CARD16: variants seen among roughly 807,000 people sequenced by gnomAD.
The protein encoded by CARD16 is caspase recruitment domain family member 16, also known as caspase recruitment domain-containing protein 16.
CARD16 carries 8 observed loss-of-function variants against 11.9 expected under a neutral mutation model. The ratio of observed to expected loss-of-function variants is 0.67; its 90% CI spans 0.39 to 1.21. The LOEUF is 1.21. Among genes scored for constraint, CARD16 ranks in the 50% most tolerant of loss-of-function variants. The pLI is 0.01. For synonymous variants in CARD16, 44 were observed against 43.8 expected, an observed-to-expected ratio of 1.00 and a Z score of -0.02; for missense variants, 131 against 118.1, an observed-to-expected ratio of 1.11 and a Z score of -0.51.
rs551908871 is a variant in CARD16 at position 105,044,695 on chromosome 11, C to A, written c.8-37G>T. 1.1e-5 allele frequency: 17 copies of A among 1,610,030 alleles called. No individual in the cohort carries two copies. In the South Asian group the frequency reaches 1.8e-4, roughly 17 times the overall value. ...ACAAGGATTTCTCACATCATGAAAA[C>A]AGCCTCATATTCCTCTCACGTCATC... On this transcript the variant is annotated intron_variant, in intron 1 of 3. Transcript: ENST00000673097.
At chr11:105,043,423 T>C (rs2134886628) in intron 3 of CARD16, 60 bp downstream of exon 3, 2 of 1,192,622 alleles carry the variant, frequency 1.7e-6, no homozygotes, top group East Asian at 2.3e-5. Flanking sequence ...CTCATTCCAC[T>C]AAATTAATGT....
Position 105,044,491 on chromosome 11 carries a change from C to T in CARD16, c.175G>A (p.Asp59Asn), listed in dbSNP as rs749887294. ...TGTGCCCCTTTCGGAATAACGGAGT[C>T]AATCAAAGCTCGGGTCTTATCCATA... ...TVMDKTRALI[D>N]SVIPKGAQAC... Residue 59 changes from aspartate to asparagine, a missense_variant, in exon 2 of 4, where the codon GAC becomes AAC. By Grantham distance (23) the Asp-to-Asn change is conservative. Coordinates refer to ENST00000673097, the MANE Select transcript of CARD16 (RefSeq NM_052889.4). The T allele has an allele frequency of 1.5e-5, 25 of 1,613,990 alleles. No individual in the cohort carries two copies. In the Admixed American group the frequency reaches 4.2e-4, roughly 27 times the overall value.
At chr11:105,043,344 C>A in intron 3 of CARD16, 139 bp downstream of exon 3, 3 of 472,026 alleles carry the variant, frequency 6.4e-6, no homozygotes, top group African/African-American at 2.1e-5. Flanking sequence ...TCTGCAAAAA[C>A]AGAATAGATT....
Position 105,044,576 on chromosome 11 carries a change from T to C in CARD16, c.90A>G (p.Leu30=), listed in dbSNP as rs61739396. The change falls in exon 2 of 4, where the codon TTA becomes TTG. Residue 30 remains leucine (L), a synonymous_variant. Transcript: ENST00000673097. ...CTTCCTGGTTCAGCACCCTTGTCTG[T>C]AATAATTCATCCAGTAAGCCATTTA... The part of the protein sequence containing the change: ...GTINGLLDEL[L]QTRVLNQEEM... The C allele has an allele frequency of 1.2e-6, 2 of 1,614,162 alleles. No homozygotes were observed. The highest frequency in any genetic ancestry group is 8.5e-7 in the Non-Finnish European group (1 of 1,179,992).
chr11:105,043,648 G>T, intron 2 of CARD16, 103 bp from the exon 3 acceptor site: 1 of 771,616 alleles, frequency 1.3e-6, no homozygotes. Context: ...CCACAACCCT[G>T]ACTAAATGAC....
At chr11:105,044,744 TTTC>T in intron 1 of CARD16, 86 bp from the exon 2 acceptor site, 1 of 1,559,208 alleles carries the variant, frequency 6.4e-7, no homozygotes, top group Non-Finnish European at 8.7e-7. Context: ...CTCATTTAGA[TTTC>T]ATCAGTGAAA....
rs777111190 is a variant in CARD16 at position 105,044,630 on chromosome 11, C to T, written c.36G>A (p.Leu12=). ...ADKVLKEKRK[L]FIHSMGEGTI... is the part of the protein sequence containing the mutation. The stretch of plus-strand genomic sequence containing the variant: ...TACCTTCACCCATGGAATGGATAAA[C>T]AGCTTTCTCTTCTCCTTCAGGACCT... The change falls in exon 2 of 4, where the codon CTG becomes CTA. Residue 12 remains leucine, a synonymous_variant. Coordinates refer to ENST00000673097, the MANE Select transcript of CARD16 (RefSeq NM_052889.4). 6 of 1,613,974 alleles carry T rather than the reference C, an allele frequency of 3.7e-6. No homozygotes were observed. In the East Asian group the frequency reaches 1.3e-4, roughly 36 times the overall value.
chr11:105,043,600 A>G lies in CARD16; in HGVS notation c.275-55T>C, dbSNP rs1244097348. The G allele has an allele frequency of 2.2e-5, 27 of 1,228,112 alleles. No individual in the cohort carries two copies. In the East Asian group the frequency reaches 5.8e-4, roughly 26 times the overall value. 76.1% of individuals were successfully genotyped at this position (1,228,112 alleles called of 1,614,324 possible). On this transcript the variant is annotated intron_variant, in intron 2 of 3. Coordinates refer to ENST00000673097, the MANE Select transcript of CARD16 (RefSeq NM_052889.4). ...CCACTTATCATCTCTGGAAAACTTT[A>G]CAGCAATGCATAAGCCACTCCTCAC... is the stretch of plus-strand genomic sequence containing the variant.
At chr11:105,044,141 C>G in intron 2 of CARD16, 2 of 594,460 alleles carry the variant, frequency 3.4e-6, no homozygotes, top group Non-Finnish European at 5.9e-6. Context: ...CTAGATAGTT[C>G]TCATGACCTT....
chr11:105,043,140 A>G (rs1196191727), intron 3 of CARD16, among the ~76,000 whole-genome samples: 1 of 152,160 alleles, frequency 6.6e-6, no homozygotes, highest in South Asian at 2.1e-4. Context: ...CAAAACTGTA[A>G]GAGAAGCAGG....
rs558248194 is a variant in CARD16, at chr11:105,044,466, T to C, written c.200A>G (p.Gln67Arg). Residue 67 changes from glutamine to arginine, a missense_variant, in exon 2 of 4, where the codon CAG becomes CGG. Physicochemically the swap from Gln to Arg is conservative, Grantham distance 43. Coordinates refer to ENST00000673097, the MANE Select transcript of CARD16 (RefSeq NM_052889.4). Reference protein sequence around the residue: ...LIDSVIPKGAQACQICITYIC... With the variant: ...LIDSVIPKGARACQICITYIC... ...GTATGTGATGCAAATTTGGCATGCC[T>C]GTGCCCCTTTCGGAATAACGGAGTC... is the stretch of plus-strand genomic sequence containing the variant. 27 of 1,614,160 alleles carry C rather than the reference T, an allele frequency of 1.7e-5. No homozygotes were observed. In the South Asian group the frequency reaches 2.7e-4, roughly 16 times the overall value.
rs1449526360 is a variant in CARD16, at chr11:105,045,320, T to G, written c.-23A>C. On this transcript the variant is annotated 5_prime_UTR_variant, in exon 1 of 4. Coordinates refer to ENST00000673097, the MANE Select transcript of CARD16 (RefSeq NM_052889.4). ...CATGGCTTTTCTCTCCTACCCTTCT[T>G]GTGTGGGCTGAAACTGAAAGTATGT... 6.2e-7 allele frequency: 1 copy of G among 1,613,946 alleles called. No individual in the cohort carries two copies. Among genetic ancestry groups the G allele is most frequent in the Admixed American group, 1.7e-5 (1 of 60,008 alleles).
chr11:105,045,166 C>T, intron 1 of CARD16, 125 bp downstream of exon 1: 1 of 1,368,402 alleles, frequency 7.3e-7, no homozygotes. Context: ...CCTCCCACTC[C>T]TCCCTCTCCC....
intron 3 of CARD16, 22 bp from the exon 4 acceptor site, chr11:105,041,741 A>G: frequency 1.9e-6 from 3 of 1,610,394 alleles, no homozygotes; most frequent in South Asian, 2.2e-5. Flanking sequence ...AAGGAATATC[A>G]TGAACAGTGG....
chr11:105,044,626 T>G lies in CARD16; in HGVS notation c.40A>C (p.Ile14Leu). Residue 14 changes from isoleucine (I) to leucine (L), a missense_variant, in exon 2 of 4, where the codon ATC (isoleucine) becomes CTC (leucine). Coordinates refer to ENST00000673097, the MANE Select transcript of CARD16 (RefSeq NM_052889.4). ...KVLKEKRKLF[I>L]HSMGEGTING... ...ATTGTACCTTCACCCATGGAATGGA[T>G]AAACAGCTTTCTCTTCTCCTTCAGG... 6.2e-7 allele frequency: 1 copy of G among 1,614,104 alleles called. No homozygotes were observed.
At chr11:105,044,244 A>G (rs1864156465) in intron 2 of CARD16, 148 bp downstream of exon 2, 6 of 1,284,980 alleles carry the variant, frequency 4.7e-6, no homozygotes, top group Non-Finnish European at 6.5e-6. Flanking sequence ...GAGTCAAGGG[A>G]CATGCAATAG....
chr11:105,043,427 T>C, intron 3 of CARD16, 56 bp downstream of exon 3: 1 of 1,227,550 alleles, frequency 8.1e-7, no homozygotes, highest in South Asian at 1.3e-5. Flanking sequence ...TTCCACTAAA[T>C]TAATGTTAAA....
chr11:105,043,901 G>A (rs1431336072), intron 2 of CARD16: 2 of 273,568 alleles, frequency 7.3e-6, no homozygotes, highest in Non-Finnish European at 1.4e-5. Context: ...TTACTATTCT[G>A]TAATCATTGA....
intron 3 of CARD16, among the ~76,000 whole-genome samples, chr11:105,043,105 T>C (rs1864138360): frequency 6.6e-6 from 1 of 152,052 alleles, no homozygotes; most frequent in African/African-American, 2.4e-5. Flanking sequence ...CAACTGGTGA[T>C]GGTGGCATCA....
Sources: allele counts gnomAD v4.1 joint callset (sites outside exome capture counted in the v4.1 genomes callset), GRCh38; gene constraint gnomAD v4.1.1; transcripts MANE v1.5; gene names NCBI Gene and HGNC (gene_info 2026-07-23, HGNC 2026-07-21).